The following DLX6 variants were observed in gnomAD, a reference collection of about 807,000 sequenced individuals.
DLX6 encodes the protein distal-less homeobox 6, also known as homeobox protein DLX-6.
In DLX6, 4 loss-of-function variants were observed where a neutral mutation model predicts 33.5. The observed-to-expected ratio is 0.12, with a 90% CI of 0.06 to 0.27. The LOEUF (loss-of-function observed/expected upper bound fraction) is 0.27, where lower values mean the gene tolerates loss of function less well. DLX6 is among the 10% of genes least tolerant of loss of function. The probability of loss-of-function intolerance (pLI) is 1.00; values close to 1 mark genes in which losing one functional copy is unlikely to be tolerated. For missense variants in DLX6, 382 were observed against 393.3 expected (o/e 0.97, Z 0.24); for synonymous variants, 184 against 164.8 (o/e 1.12, Z -0.89).
chr7:97,005,777 AAT>A lies in DLX6; in HGVS notation c.-188_-187del, dbSNP rs1038111063. On this transcript the variant is annotated 5_prime_UTR_variant, in exon 1 of 3. Coordinates refer to ENST00000518156, the MANE Select transcript of DLX6 (RefSeq NM_005222.4). ...CCGCTCACTATATCTCTTTATATTAAATATATATATATATTAGAGAAGAGCGA... is the reference window on the plus strand; with the variant it reads ...CCGCTCACTATATCTCTTTATATTAAATATATATATATTAGAGAAGAGCGA... The A allele has an allele frequency of 1.7e-3, 451 of 267,090 alleles. No individual in the cohort carries two copies. Among genetic ancestry groups the A allele is most frequent in the East Asian group, 3.0e-3 (48 of 15,770 alleles). The allele number at this position is 267,090 out of a possible 1,614,324, so 16.5% of individuals were successfully genotyped here. A position where few individuals can be genotyped will look rare whatever the true frequency, so the allele number is the denominator to read the frequency against.
Position 97,006,330 on chromosome 7 carries a change from A to C in DLX6, c.353A>C (p.Tyr118Ser), listed in dbSNP as rs897037167. 9.3e-6 allele frequency: 14 copies of C among 1,512,806 alleles called. No individual in the cohort carries two copies. Among genetic ancestry groups the C allele is most frequent in the Non-Finnish European group, 1.2e-5 (14 of 1,127,194 alleles). The allele number at this position is 1,512,806 out of a possible 1,614,324, so 93.7% of individuals were successfully genotyped here. The change falls in exon 1 of 3, where the codon TAC (tyrosine) becomes TCC (serine). Residue 118 changes from tyrosine to serine, a missense_variant. Tyr to Ser is a moderately radical substitution (Grantham distance 144). This residue lies in a region of DLX6 where 257 missense variants were observed against 206.9 expected (regional missense o/e 1.24). Transcript: ENST00000518156. ...YNHRSLAAYPYMSHSQHSPYL... is the reference protein window; with the variant it reads ...YNHRSLAAYPSMSHSQHSPYL... ...CACCGCTCGCTCGCCGCCTACCCCT[A>C]CATGAGCCACTCGCAGCACAGCCCT...
intron 1 of DLX6, 178 bp downstream of exon 1, chr7:97,006,591 C>G (rs1789739130): frequency 2.3e-6 from 1 of 426,594 alleles, no homozygotes; most frequent in African/African-American, 2.1e-5. Context: ...CCGGCCTCTC[C>G]CAGCCGGGCC....
At chr7:97,009,319 G>C (rs915184903) in intron 2 of DLX6, among the ~76,000 whole-genome samples, 2 of 152,244 alleles carry the variant, frequency 1.3e-5, no homozygotes, top group South Asian at 2.1e-4. Context: ...AACAGCTTTT[G>C]GGTATCTCTA....
At chr7:97,008,362 G>A (rs1381194469) in intron 2 of DLX6, among the ~76,000 whole-genome samples, 1 of 152,186 alleles carries the variant, frequency 6.6e-6, no homozygotes, top group African/African-American at 2.4e-5. Flanking sequence ...GGAGTGTCAA[G>A]GTGGGTTTTT....
In DLX6 at chr7:97,010,193, CCTCTCT is replaced by C. The variant is rs147798666; in HGVS notation, c.*156_*161del. Reference sequence around the variant, plus strand: ...AAGCCGACTAGGCTCATTCTCTCTCCCTCTCTCTCTCTCTCCCTCTCCTTTCTTTTT... The same window carrying C: ...AAGCCGACTAGGCTCATTCTCTCTCCCTCTCTCTCCCTCTCCTTTCTTTTT... On this transcript the variant is annotated 3_prime_UTR_variant, in exon 3 of 3. Coordinates refer to ENST00000518156, the MANE Select transcript of DLX6 (RefSeq NM_005222.4). 2.7e-6 allele frequency: 2 copies of C among 733,886 alleles called. No homozygotes were observed. Among genetic ancestry groups the C allele is most frequent in the Non-Finnish European group, 4.2e-6 (2 of 476,076 alleles). 45.5% of individuals were successfully genotyped at this position (733,886 alleles called of 1,614,324 possible).
At chr7:97,006,934 T>C (rs1789749527) in intron 1 of DLX6, 1 of 153,086 alleles carries the variant, frequency 6.5e-6, no homozygotes, top group Non-Finnish European at 1.5e-5. Flanking sequence ...AGTCAGGCTC[T>C]TTCCAGTGGG....
At chr7:97,007,292 G>T (rs1789757666) in intron 1 of DLX6, 2 of 576,710 alleles carry the variant, frequency 3.5e-6, no homozygotes, top group Admixed American at 6.2e-5. Flanking sequence ...GCCGGGCACA[G>T]GGGCCCCGCT....
chr7:97,006,420 G>A lies in DLX6; in HGVS notation c.436+7G>A. ...ACGCGAGGGGACGACACAGGTGAGAGGCCGCTGGGGCAGCTCGCTTCTCCC... is the reference window on the plus strand; with the variant it reads ...ACGCGAGGGGACGACACAGGTGAGAAGCCGCTGGGGCAGCTCGCTTCTCCC... On this transcript the variant is annotated splice_region_variant and intron_variant, in intron 1 of 2. Coordinates refer to ENST00000518156, the MANE Select transcript of DLX6 (RefSeq NM_005222.4). The A allele has an allele frequency of 2.3e-6, 3 of 1,321,716 alleles. No individual in the cohort carries two copies. The highest frequency in any genetic ancestry group is 2.4e-5 in the South Asian group (1 of 41,210). 81.9% of individuals were successfully genotyped at this position (1,321,716 alleles called of 1,614,324 possible).
intron 1 of DLX6, 150 bp from the exon 2 acceptor site, chr7:97,007,488 A>AT (rs1789762392): frequency 2.7e-6 from 2 of 735,878 alleles, no homozygotes; most frequent in Admixed American, 2.0e-5. Context: ...ACACGGGCAG[A>AT]GTGGACCAAG....
chr7:97,006,074 C>A lies in DLX6; in HGVS notation c.97C>A (p.Gln33Lys). Reference protein sequence around the residue: ...EFGQQQQQQQQQQQQQQQQQQ... With the variant: ...EFGQQQQQQQKQQQQQQQQQQ... ...CGGGCAGCAGCAGCAGCAGCAGCAG[C>A]AACAGCAGCAGCAGCAGCAGCAGCA... Residue 33 changes from glutamine to lysine, a missense_variant, in exon 1 of 3, where the codon CAA becomes AAA. Physicochemically the swap from Gln to Lys is moderately conservative, Grantham distance 53. This residue lies in a region of DLX6 where 257 missense variants were observed against 206.9 expected (regional missense o/e 1.24). Transcript: ENST00000518156. 6.4e-7 allele frequency: 1 copy of A among 1,565,628 alleles called. No individual in the cohort carries two copies. Among genetic ancestry groups the A allele is most frequent in the Middle Eastern group, 1.7e-4 (1 of 5,984 alleles).
intron 1 of DLX6, 136 bp from the exon 2 acceptor site, chr7:97,007,502 G>A: frequency 1.3e-6 from 1 of 794,818 alleles, no homozygotes; most frequent in South Asian, 1.5e-5. Flanking sequence ...GACCAAGAGA[G>A]GTCGGGGCAT....
chr7:97,009,904 C>A lies in DLX6; in HGVS notation c.739C>A (p.Arg247Ser). 1 of 1,613,976 alleles carries A rather than the reference C, an allele frequency of 6.2e-7. No homozygotes were observed. Among genetic ancestry groups the A allele is most frequent in the Non-Finnish European group, 8.5e-7 (1 of 1,179,876 alleles). ...PLQGSAALSPRSPALPPVWDV... is the reference protein window; with the variant it reads ...PLQGSAALSPSSPALPPVWDV... ...CCAGGGCTCGGCGGCCCTGTCGCCA[C>A]GCTCGCCAGCGCTGCCTCCAGTCTG... The change falls in exon 3 of 3, where the codon CGC becomes AGC. Residue 247 changes from arginine (R) to serine (S), a missense_variant. By Grantham distance (110) the Arg-to-Ser change is moderately radical (BLOSUM62 -1). Around this residue, in one of 4 missense-constraint regions of DLX6, gnomAD observed 96 missense variants for 93.3 expected, o/e 1.03. Transcript: ENST00000518156.
rs1423807794 is a variant in DLX6, at chr7:97,010,184, TTCTCTCTCCCTCTCTC to T, written c.*152_*167del. 12 of 976,636 alleles carry T rather than the reference TTCTCTCTCCCTCTCTC, an allele frequency of 1.2e-5. No homozygotes were observed. In the African/African-American group the frequency reaches 1.4e-4, roughly 11 times the overall value. The allele number at this position is 976,636 out of a possible 1,614,324, so 60.5% of individuals were successfully genotyped here. On this transcript the variant is annotated 3_prime_UTR_variant, in exon 3 of 3. Coordinates refer to ENST00000518156, the MANE Select transcript of DLX6 (RefSeq NM_005222.4). ...TGTGGCAAGAAGCCGACTAGGCTCA[TTCTCTCTCCCTCTCTC>T]TCTCTCTCCCTCTCCTTTCTTTTTA...
intron 2 of DLX6, 101 bp from the exon 3 acceptor site, chr7:97,009,681 GTTGTTTTTTGTTTT>G (rs771847061): frequency 2.2e-5 from 33 of 1,479,152 alleles, no homozygotes; most frequent in African/African-American, 1.1e-4. Context: ...GTTGGCGGTG[GTTGTTTTTTGTTTT>G]TTGTTTTTTT....
At position 97,007,639 on chromosome 7, in the gene DLX6, T is replaced by A; in HGVS notation, c.438T>A (p.Asp146Glu). ...AAAQTRGDDT[D>E]QQKTTVIENG... ...CTCCTCTGTATTATTTGCTTACAGA[T>A]CAACAAAAAACTACAGTGATTGAAA... The change falls in exon 2 of 3, where the codon GAT (aspartate) becomes GAA (glutamate). Residue 146 changes from aspartate to glutamate, a missense_variant and splice_region_variant. Asp to Glu is a conservative substitution (Grantham distance 45). Around this residue, in one of 4 missense-constraint regions of DLX6, gnomAD observed 257 missense variants for 206.9 expected, o/e 1.24. Transcript: ENST00000518156. 6.2e-7 allele frequency: 1 copy of A among 1,607,848 alleles called. No homozygotes were observed. The highest frequency in any genetic ancestry group is 1.1e-5 in the South Asian group (1 of 89,614).
rs147798666 is a variant in DLX6, at chr7:97,010,193, CCTCTCTCT to C, written c.*154_*161del. 2 of 733,886 alleles carry C rather than the reference CCTCTCTCT, an allele frequency of 2.7e-6. No individual in the cohort carries two copies. Among genetic ancestry groups the C allele is most frequent in the Non-Finnish European group, 2.1e-6 (1 of 476,076 alleles). 45.5% of individuals were successfully genotyped at this position (733,886 alleles called of 1,614,324 possible). ...AAGCCGACTAGGCTCATTCTCTCTC[CCTCTCTCT>C]CTCTCTCCCTCTCCTTTCTTTTTAC... On this transcript the variant is annotated 3_prime_UTR_variant, in exon 3 of 3. Coordinates refer to ENST00000518156, the MANE Select transcript of DLX6 (RefSeq NM_005222.4).
Position 97,006,231 on chromosome 7 carries a change from C to T in DLX6, c.254C>T (p.Ser85Leu). 1.3e-6 allele frequency: 2 copies of T among 1,515,474 alleles called. No homozygotes were observed. The highest frequency in any genetic ancestry group is 2.5e-5 in the South Asian group (2 of 79,726). 93.9% of individuals were successfully genotyped at this position (1,515,474 alleles called of 1,614,324 possible). A position where few individuals can be genotyped will look rare whatever the true frequency, so the allele number is the denominator to read the frequency against. The change falls in exon 1 of 3, where the codon TCG becomes TTG. Residue 85 changes from serine to leucine, a missense_variant. Around this residue, in one of 4 missense-constraint regions of DLX6, gnomAD observed 257 missense variants for 206.9 expected, o/e 1.24. Coordinates refer to ENST00000518156, the MANE Select transcript of DLX6 (RefSeq NM_005222.4). ...GCGGCGGCGGCGGCAGCGGCCGGCT[C>T]GCACCACCACCACCACCACCAGCAC... The part of the protein sequence containing the change: ...HSAAAAAAAG[S>L]HHHHHHQHHH...
At position 97,010,022 on chromosome 7, in the gene DLX6, C is replaced by T. The variant is rs750189411; in HGVS notation, c.857C>T (p.Thr286Met). 1.3e-5 allele frequency: 21 copies of T among 1,599,942 alleles called. 1 individual carries two copies. The highest frequency in any genetic ancestry group is 3.5e-5 in the Admixed American group (2 of 57,344). ...SHWYSSPHQDTMQRPQMM is the reference protein window; with the variant it reads ...SHWYSSPHQDMMQRPQMM ...TGGTACTCCTCTCCACACCAGGACA[C>T]GATGCAGAGACCACAGATGATGTGA... is the stretch of plus-strand genomic sequence containing the variant. Residue 286 changes from threonine (T) to methionine (M), a missense_variant, in exon 3 of 3, where the codon ACG (threonine) becomes ATG (methionine). Physicochemically the swap from Thr to Met is moderately conservative, Grantham distance 81. This residue lies in a region of DLX6 where 96 missense variants were observed against 93.3 expected (regional missense o/e 1.03). Coordinates refer to ENST00000518156, the MANE Select transcript of DLX6 (RefSeq NM_005222.4).
intron 1 of DLX6, chr7:97,007,257 C>T (rs1198079812): frequency 1.9e-6 from 1 of 526,302 alleles, no homozygotes; most frequent in African/African-American, 1.9e-5. Context: ...CTGGGTGGCT[C>T]AAGCACAGCT....
Sources: gnomAD v4.1 joint callset for allele counts (sites outside exome capture counted in the v4.1 genomes callset) on GRCh38, gnomAD v4.1.1 for gene constraint, gnomAD v4.1.1 regional missense constraint, MANE v1.5 for transcripts, NCBI Gene and HGNC (gene_info 2026-07-23, HGNC 2026-07-21) for gene names.